KCND2: variants seen among roughly 807,000 people sequenced by gnomAD.
KCND2 encodes the protein A-type voltage-gated potassium channel KCND2.
A neutral mutation model predicts 54.4 loss-of-function variants in KCND2; 16 were observed. The observed-to-expected ratio is 0.29, with a 90% CI of 0.20 to 0.45. The LOEUF (loss-of-function observed/expected upper bound fraction) is 0.45. KCND2 is among the 20% of genes least tolerant of loss of function. The probability of loss-of-function intolerance (pLI) is 1.00; values close to 1 mark genes in which losing one functional copy is unlikely to be tolerated. For missense variants in KCND2, 486 were observed against 824.2 expected, an observed-to-expected ratio of 0.59 and a Z score of 5.02; for synonymous variants, 317 against 310.7, an observed-to-expected ratio of 1.02 and a Z score of -0.21.
In KCND2 at chr7:120,739,798, A is replaced by AACACACACAC. The variant is rs10571787; in HGVS notation, c.1279-1711_1279-1702dup. The stretch of plus-strand genomic sequence containing the variant: ...AAATTTGGTAAGACTTAACAAAAGA[A>AACACACACAC]ACACACACACACACACACACACACA... On this transcript the variant is annotated intron_variant, in intron 2 of 5. Transcript: ENST00000331113. Among the ~76,000 whole-genome samples the AACACACACAC allele has an allele frequency of 8.1e-4, 117 of 144,062 alleles. 3 individuals carry two copies. Among genetic ancestry groups the AACACACACAC allele is most frequent in the Admixed American group, 4.7e-3 (67 of 14,188 alleles). 94.5% of individuals were successfully genotyped at this position (144,062 alleles called of 152,430 possible).
At chr7:120,442,032 C>A (rs1461339029) in intron 1 of KCND2, among the ~76,000 whole-genome samples, 1 of 152,076 alleles carries the variant, frequency 6.6e-6, no homozygotes, top group Non-Finnish European at 1.5e-5. Flanking sequence ...CAGACACAGG[C>A]ATATACTTGT....
intron 1 of KCND2, among the ~76,000 whole-genome samples, chr7:120,335,967 A>G (rs1315048852): frequency 6.6e-6 from 1 of 152,246 alleles, no homozygotes; most frequent in African/African-American, 2.4e-5. Context: ...GGAAAGAACA[A>G]ATAAGCAATA....
chr7:120,346,668 CCTCTCT>C (rs148518409), intron 1 of KCND2, among the ~76,000 whole-genome samples: 5 of 148,994 alleles, frequency 3.4e-5, no homozygotes, highest in Non-Finnish European at 1.5e-5. Flanking sequence ...TCTCTTCTCT[CCTCTCT>C]CTCTCTCTCT....
In KCND2 at chr7:120,709,856, T is replaced by G. The variant is rs77831668; in HGVS notation, c.1116-23047T>G. ...CCAGAATTCTGTGCTCATTTGACAT[T>G]GTAATTGCAAATGGGGCACCAAGGA... On this transcript the variant is annotated intron_variant, in intron 1 of 5. Coordinates refer to ENST00000331113, the MANE Select transcript of KCND2 (RefSeq NM_012281.3). 5.7e-3 allele frequency among the ~76,000 whole-genome samples: 862 copies of G among 152,254 alleles called. 5 individuals carry two copies. The highest frequency in any genetic ancestry group is 0.02 in the African/African-American group (815 of 41,568).
intron 1 of KCND2, among the ~76,000 whole-genome samples, chr7:120,404,287 G>A (rs895665802): frequency 1.3e-5 from 2 of 152,076 alleles, no homozygotes; most frequent in Non-Finnish European, 2.9e-5. Flanking sequence ...TGTGTGACAC[G>A]AGACCCTCTC....
chr7:120,546,690 T>C (rs1313384680), intron 1 of KCND2, among the ~76,000 whole-genome samples: 2 of 152,000 alleles, frequency 1.3e-5, no homozygotes, highest in Non-Finnish European at 2.9e-5. Context: ...ATATTTAAAT[T>C]ACGATTTGGA....
chr7:120,596,673 TA>T (rs1408291409), intron 1 of KCND2, among the ~76,000 whole-genome samples: 1 of 152,182 alleles, frequency 6.6e-6, no homozygotes, highest in Non-Finnish European at 1.5e-5. Context: ...GTCTGGTAAA[TA>T]AAATCTATCT....
chr7:120,614,708 G>A (rs1792999533), intron 1 of KCND2, among the ~76,000 whole-genome samples: 1 of 152,114 alleles, frequency 6.6e-6, no homozygotes, highest in Non-Finnish European at 1.5e-5. Flanking sequence ...TGGTACAAAT[G>A]TTTTATATTG....
Position 120,527,963 on chromosome 7 carries a change from T to C in KCND2, c.1116-204940T>C, listed in dbSNP as rs575448165. ...ATCTGTTTTGATCACAAAGAGTTGC[T>C]GTGACCTAATTGTGGAAACTGATAA... is the stretch of plus-strand genomic sequence containing the variant. On this transcript the variant is annotated intron_variant, in intron 1 of 5. Transcript: ENST00000331113. Among the ~76,000 whole-genome samples, 5 of 152,308 alleles carry C rather than the reference T, an allele frequency of 3.3e-5. No homozygotes were observed. In the South Asian group the frequency reaches 8.3e-4, roughly 25 times the overall value.
At chr7:120,341,073 A>G (rs1263197252) in intron 1 of KCND2, among the ~76,000 whole-genome samples, 1 of 152,202 alleles carries the variant, frequency 6.6e-6, no homozygotes, top group African/African-American at 2.4e-5. Context: ...AAGAAACTTG[A>G]TAGAGAACAG....
chr7:120,295,824 A>G (rs1799506022), intron 1 of KCND2, among the ~76,000 whole-genome samples: 2 of 152,024 alleles, frequency 1.3e-5, no homozygotes, highest in Admixed American at 1.3e-4. Context: ...GTGCAAGTGT[A>G]GGGGAAGCTG....
chr7:120,446,238 A>C lies in KCND2; in HGVS notation c.1115+170491A>C, dbSNP rs187542638. Among the ~76,000 whole-genome samples, 215 of 152,218 alleles carry C rather than the reference A, an allele frequency of 1.4e-3. 1 individual carries two copies. Among genetic ancestry groups the C allele is most frequent in the South Asian group, 2.7e-3 (13 of 4,820 alleles). On this transcript the variant is annotated intron_variant, in intron 1 of 5. Transcript: ENST00000331113. ...GCCTGCTCAAAACTTCTCTCAATGC[A>C]ATTCAGAGAGATAGAGTTTAGCACT...
At chr7:120,296,759 A>G (rs1799518966) in intron 1 of KCND2, among the ~76,000 whole-genome samples, 1 of 152,070 alleles carries the variant, frequency 6.6e-6, no homozygotes, top group African/African-American at 2.4e-5. Flanking sequence ...TAGTCATTGG[A>G]TATGTTGGCT....
At chr7:120,682,914 G>A (rs1792157742) in intron 1 of KCND2, among the ~76,000 whole-genome samples, 1 of 152,116 alleles carries the variant, frequency 6.6e-6, no homozygotes. Context: ...GTGTTAAAAT[G>A]ACTACAGCAG....
At chr7:120,733,936 T>C (rs1159501393) in intron 2 of KCND2, among the ~76,000 whole-genome samples, 1 of 152,132 alleles carries the variant, frequency 6.6e-6, no homozygotes, top group East Asian at 1.9e-4. Flanking sequence ...GACATTAGCC[T>C]AATGTTTTTC....
chr7:120,723,638 A>C (rs1381163690), intron 1 of KCND2, among the ~76,000 whole-genome samples: 2 of 152,180 alleles, frequency 1.3e-5, no homozygotes, highest in Non-Finnish European at 2.9e-5. Flanking sequence ...GGTTCCCTTG[A>C]GTCCAGGATT....
At chr7:120,512,016 A>G (rs1803123300) in intron 1 of KCND2, among the ~76,000 whole-genome samples, 1 of 152,084 alleles carries the variant, frequency 6.6e-6, no homozygotes. Context: ...CCTAACCCGA[A>G]TGTGTGAATT....
intron 1 of KCND2, among the ~76,000 whole-genome samples, chr7:120,334,295 G>C (rs887977804): frequency 2.6e-5 from 4 of 152,160 alleles, no homozygotes; most frequent in Non-Finnish European, 5.9e-5. Context: ...ACTTATGTAC[G>C]TATTAGAAAG....
intron 1 of KCND2, among the ~76,000 whole-genome samples, chr7:120,474,901 G>A (rs533265525): frequency 3.0e-4 from 45 of 151,726 alleles, no homozygotes; most frequent in Non-Finnish European, 5.9e-4. Context: ...TTTTTAAAGA[G>A]ATGGAGTCTT....
Sources: gnomAD v4.1 joint callset for allele counts (sites outside exome capture counted in the v4.1 genomes callset) on GRCh38, gnomAD v4.1.1 for gene constraint, MANE v1.5 for transcripts, NCBI Gene and HGNC (gene_info 2026-07-23, HGNC 2026-07-21) for gene names.